ZER1: variants seen among roughly 807,000 people sequenced by gnomAD.
ZER1 encodes the protein protein zer-1 homolog.
In ZER1, 11 loss-of-function variants were observed where a neutral mutation model predicts 78.8. The observed-to-expected ratio is 0.14, with a 90% CI of 0.09 to 0.23. ZER1 has a LOEUF of 0.23. Among genes scored for constraint, ZER1 ranks in the 10% least tolerant of loss-of-function variants. The probability of loss-of-function intolerance (pLI) is 1.00; values close to 1 mark genes in which losing one functional copy is unlikely to be tolerated. For synonymous variants in ZER1, 400 were observed against 407.0 expected, an observed-to-expected ratio of 0.98 and a Z score of 0.21; for missense variants, 588 against 996.9, an observed-to-expected ratio of 0.59 and a Z score of 5.52.
rs777930645 is a variant in ZER1, at chr9:128,753,126, C to A, written c.746+38G>T. The stretch of plus-strand genomic sequence containing the variant: ...CCTCTACTCCTCCCCACCTGCCCCC[C>A]AAACCCCACCCTGGTGAGCTCTGGG... On this transcript the variant is annotated intron_variant, in intron 4 of 15. Transcript: ENST00000291900. The surrounding 1 kb of genome is among the most constrained non-coding windows in gnomAD (Gnocchi z 7.5). The A allele has an allele frequency of 6.7e-7, 1 of 1,493,582 alleles. No individual in the cohort carries two copies. Among genetic ancestry groups the A allele is most frequent in the East Asian group, 2.5e-5 (1 of 40,524 alleles). 92.5% of individuals were successfully genotyped at this position (1,493,582 alleles called of 1,614,324 possible).
rs544944472 is a variant in ZER1, at chr9:128,754,207, A to G, written c.159-248T>C. On this transcript the variant is annotated intron_variant, in intron 2 of 15. Coordinates refer to ENST00000291900, the MANE Select transcript of ZER1 (RefSeq NM_006336.4). The surrounding 1 kb of genome is among the most constrained non-coding windows in gnomAD (Gnocchi z 4.3). ...GCAGGCGCCATCTCTCCCAGTGCAC[A>G]TGCCTGTCACACAGCCTCCACGCAC... Among the ~76,000 whole-genome samples the G allele has an allele frequency of 6.6e-6, 1 of 152,254 alleles. No individual in the cohort carries two copies. The highest frequency in any genetic ancestry group is 1.9e-4 in the East Asian group (1 of 5,176).
At chr9:128,762,163 T>C (rs1450118906) in intron 1 of ZER1, among the ~76,000 whole-genome samples, 3 of 152,038 alleles carry the variant, frequency 2.0e-5, no homozygotes, top group Admixed American at 1.3e-4. Flanking sequence ...GTATTTTACG[T>C]GTCGCCCAAG....
rs775558952 is a variant in ZER1, at chr9:128,740,849, T to G, written c.1776A>C (p.Leu592=). Residue 592 remains leucine, a synonymous_variant, in exon 12 of 16, where the codon CTA becomes CTC. Transcript: ENST00000291900. The surrounding 1 kb of genome is among the most constrained non-coding windows in gnomAD (Gnocchi z 4.4). ...CTTCTGCCACATTCCCCAAAAGTCC[T>G]AGCATATTCCTATGCAGTTCCTGCT... The part of the protein sequence containing the change: ...PEKQELHRNM[L]GLLGNVAEVK... The G allele has an allele frequency of 1.3e-6, 1 of 781,074 alleles. No individual in the cohort carries two copies. The highest frequency in any genetic ancestry group is 1.7e-5 in the Admixed American group (1 of 59,028). 48.4% of individuals were successfully genotyped at this position (781,074 alleles called of 1,614,324 possible). A position where few individuals can be genotyped will look rare whatever the true frequency, so the allele number is the denominator to read the frequency against.
chr9:128,771,364 G>A (rs1242967930), intron 1 of ZER1, among the ~76,000 whole-genome samples: 3 of 152,320 alleles, frequency 2.0e-5, no homozygotes, highest in African/African-American at 7.2e-5. Context: ...TCTTGTAGGG[G>A]CAAACGACAG....
Position 128,750,602 on chromosome 9 carries a change from G to A in ZER1, c.1359+14C>T, listed in dbSNP as rs528762257. The stretch of plus-strand genomic sequence containing the variant: ...GGGCCAGAGCATGCGGGGCCGTGGC[G>A]GGTGGGGGCTCACCGTCACCTCCTG... On this transcript the variant is annotated intron_variant, in intron 8 of 15. Coordinates refer to ENST00000291900, the MANE Select transcript of ZER1 (RefSeq NM_006336.4). 32 of 1,611,824 alleles carry A rather than the reference G, an allele frequency of 2.0e-5. No individual in the cohort carries two copies. Among genetic ancestry groups the A allele is most frequent in the Non-Finnish European group, 2.0e-5 (23 of 1,178,206 alleles).
At chr9:128,759,234 G>A (rs915558466) in intron 1 of ZER1, among the ~76,000 whole-genome samples, 7 of 151,612 alleles carry the variant, frequency 4.6e-5, no homozygotes, top group Admixed American at 2.6e-4. Context: ...GCAGTGGCAC[G>A]ATCTCAGCTC....
chr9:128,752,891 A>G (rs746169050), intron 4 of ZER1, 42 bp from the exon 5 acceptor site: 56 of 1,584,152 alleles, frequency 3.5e-5, no homozygotes, highest in Non-Finnish European at 4.5e-5. Context: ...AGCTGGGTAC[A>G]GGGTGGGGCT....
At position 128,731,357 on chromosome 9, in the gene ZER1, TCTC is replaced by T. The variant is rs1441063878; in HGVS notation, c.2278_2280del (p.Glu760del). 5 of 1,564,278 alleles carry T rather than the reference TCTC, an allele frequency of 3.2e-6. No individual in the cohort carries two copies. Among genetic ancestry groups the T allele is most frequent in the East Asian group, 2.4e-5 (1 of 40,834 alleles). On this transcript the variant is annotated inframe_deletion, in exon 16 of 16. Coordinates refer to ENST00000291900, the MANE Select transcript of ZER1 (RefSeq NM_006336.4). ...GGCCTCTATCTAGACGTGTCCATGTTCTCCTCTTTAAAGTTACTGCAGTGCTCA... is the reference window on the plus strand; with the variant it reads ...GGCCTCTATCTAGACGTGTCCATGTTCTCTTTAAAGTTACTGCAGTGCTCA...
chr9:128,743,930 ACT>A (rs1020846772), intron 8 of ZER1, among the ~76,000 whole-genome samples: 4 of 103,882 alleles, frequency 3.9e-5, no homozygotes, highest in Admixed American at 1.5e-4. Flanking sequence ...ATGGAGTCTC[ACT>A]CTGTCGCCCA....
intron 14 of ZER1, among the ~76,000 whole-genome samples, chr9:128,734,085 G>A (rs1175326417): frequency 2.5e-5 from 2 of 80,708 alleles, no homozygotes; most frequent in Admixed American, 1.7e-4. Context: ...TCGAGATCGC[G>A]CCACTGCACT....
rs1262040400 is a variant in ZER1 at position 128,754,336 on chromosome 9, A to T, written c.159-377T>A. Among the ~76,000 whole-genome samples, 1 of 152,236 alleles carries T rather than the reference A, an allele frequency of 6.6e-6. No individual in the cohort carries two copies. Among genetic ancestry groups the T allele is most frequent in the Non-Finnish European group, 1.5e-5 (1 of 68,036 alleles). On this transcript the variant is annotated intron_variant, in intron 2 of 15. Coordinates refer to ENST00000291900, the MANE Select transcript of ZER1 (RefSeq NM_006336.4). This position sits in a 1 kb window ranked among gnomAD's most constrained non-coding sequence, Gnocchi z 4.3. ...ACAGGCAAACTAAGCCAAGTAGTTC[A>T]GAGTTCCCAGCTGGGTACAGGACAA...
chr9:128,752,157 C>T (rs1863699921), intron 5 of ZER1, among the ~76,000 whole-genome samples: 1 of 152,178 alleles, frequency 6.6e-6, no homozygotes, highest in South Asian at 2.1e-4. Flanking sequence ...CTCCTTCCTT[C>T]CTGATCCTCA....
Position 128,753,182 on chromosome 9 carries a change from A to T in ZER1, c.728T>A (p.Val243Glu). The change falls in exon 4 of 16, where the codon GTG (valine) becomes GAG (glutamate). Residue 243 changes from valine to glutamate, a missense_variant. Val to Glu is a moderately radical substitution (Grantham distance 121). Coordinates refer to ENST00000291900, the MANE Select transcript of ZER1 (RefSeq NM_006336.4). This position sits in a 1 kb window ranked among gnomAD's most constrained non-coding sequence, Gnocchi z 7.5. ...DLSDDHIRVI[V>E]QLHKLRHLDI... Reference sequence around the variant, plus strand: ...AGCTCACCGCAGCTTGTGCAGCTGCACGATGACCCGGATGTGGTCGTCGGA... The same window carrying T: ...AGCTCACCGCAGCTTGTGCAGCTGCTCGATGACCCGGATGTGGTCGTCGGA... 1 of 1,551,776 alleles carries T rather than the reference A, an allele frequency of 6.4e-7. No individual in the cohort carries two copies. The highest frequency in any genetic ancestry group is 8.7e-7 in the Non-Finnish European group (1 of 1,146,642).
rs2132375658 is a variant in ZER1, at chr9:128,732,363, A to G, written c.2244-969T>C. 6.6e-6 allele frequency among the ~76,000 whole-genome samples: 1 copy of G among 152,216 alleles called. No homozygotes were observed. The highest frequency in any genetic ancestry group is 1.9e-4 in the East Asian group (1 of 5,178). On this transcript the variant is annotated intron_variant, in intron 15 of 15. Transcript: ENST00000291900. This position sits in a 1 kb window ranked among gnomAD's most constrained non-coding sequence, Gnocchi z 4.8. ...GAAAACCTAGGGGTGGGCCCCGTCC[A>G]TTTATTTTTAAATTTTATTTTTTTG... is the stretch of plus-strand genomic sequence containing the variant.
At chr9:128,749,230 AGGCAGGAGG>A (rs1863599388) in intron 8 of ZER1, among the ~76,000 whole-genome samples, 1 of 151,814 alleles carries the variant, frequency 6.6e-6, no homozygotes, top group South Asian at 2.1e-4. Flanking sequence ...AGGGGGGCTG[AGGCAGGAGG>A]ATCACTTGAA....
chr9:128,743,890 CTGCTTTTTTT>C (rs1342882742), intron 8 of ZER1, among the ~76,000 whole-genome samples: 2 of 138,380 alleles, frequency 1.4e-5, no homozygotes, highest in Non-Finnish European at 3.0e-5. Flanking sequence ...CCAATGGCCC[CTGCTTTTTTT>C]TTTTTTTTTT....
chr9:128,747,726 G>A (rs979572176), intron 8 of ZER1, among the ~76,000 whole-genome samples: 3 of 152,056 alleles, frequency 2.0e-5, no homozygotes, highest in African/African-American at 7.2e-5. Flanking sequence ...CAATTCTCCT[G>A]CCTTAGCCTC....
intron 13 of ZER1, among the ~76,000 whole-genome samples, chr9:128,737,780 G>A (rs1378096159): frequency 6.6e-6 from 1 of 151,808 alleles, no homozygotes; most frequent in African/African-American, 2.4e-5. Context: ...TTGGCTCACT[G>A]CAACCTCTGC....
chr9:128,750,000 G>A (rs1279643332), intron 8 of ZER1, among the ~76,000 whole-genome samples: 1 of 152,176 alleles, frequency 6.6e-6, no homozygotes, highest in Admixed American at 6.5e-5. Flanking sequence ...CCGAGATTGT[G>A]CCATTGCACT....
Sources: allele counts gnomAD v4.1 joint callset (sites outside exome capture counted in the v4.1 genomes callset), GRCh38; gene constraint gnomAD v4.1.1; non-coding constraint Gnocchi (gnomAD v3.1); transcripts MANE v1.5; gene names NCBI Gene and HGNC (gene_info 2026-07-23, HGNC 2026-07-21).